The following MED4 variants were observed in gnomAD, a reference collection of about 807,000 sequenced individuals.
MED4 encodes the protein mediator complex subunit 4, also known as mediator of RNA polymerase II transcription subunit 4.
In MED4, 21 loss-of-function variants were observed where a neutral mutation model predicts 35.0. The observed-to-expected ratio is 0.60, with a 90% confidence interval of 0.43 to 0.86. The LOEUF (loss-of-function observed/expected upper bound fraction) is 0.86, where lower values mean the gene tolerates loss of function less well. Ranked by LOEUF, MED4 falls within the 40% of genes least tolerant of loss-of-function variation. MED4 has a pLI of 0.00. For missense variants in MED4, 300 were observed against 319.4 expected, an observed-to-expected ratio of 0.94 and a Z score of 0.46; for synonymous variants, 138 against 114.0, an observed-to-expected ratio of 1.21 and a Z score of -1.34.
At chr13:48,081,806 A>G (rs1294282383) in intron 4 of MED4, 75 bp from the exon 5 acceptor site, 2 of 817,612 alleles carry the variant, frequency 2.4e-6, no homozygotes, top group Non-Finnish European at 3.7e-6. Context: ...TCTATCAGTT[A>G]CACATCGTAT....
intron 1 of MED4, among the ~76,000 whole-genome samples, chr13:48,090,815 C>A (rs1593548692): frequency 6.6e-6 from 1 of 152,176 alleles, no homozygotes; most frequent in African/African-American, 2.4e-5. Flanking sequence ...AAATTGCAGA[C>A]AATGCATTAT....
chr13:48,092,460 A>C (rs1950896898), intron 1 of MED4, among the ~76,000 whole-genome samples: 1 of 152,192 alleles, frequency 6.6e-6, no homozygotes. Context: ...TATTTTAAAC[A>C]GGGAAATGGC....
intron 1 of MED4, among the ~76,000 whole-genome samples, chr13:48,091,824 G>C (rs1440519944): frequency 6.6e-6 from 1 of 152,166 alleles, no homozygotes; most frequent in Non-Finnish European, 1.5e-5. Context: ...CTGGGGGAGT[G>C]GGTTGGCTAC....
rs1950768152 is a variant in MED4, at chr13:48,077,319, A to C, written c.641-8T>G. On this transcript the variant is annotated splice_region_variant and splice_polypyrimidine_tract_variant and intron_variant, in intron 6 of 6. Transcript: ENST00000258648. ...ACTGTGGAGCAAGGACATCTGGAGA[A>C]AAAAAGAAGCATAGATAAGAACAGC... 1 of 1,462,322 alleles carries C rather than the reference A, an allele frequency of 6.8e-7. No homozygotes were observed. The highest frequency in any genetic ancestry group is 1.5e-5 in the South Asian group (1 of 66,560). The allele number at this position is 1,462,322 out of a possible 1,614,324, so 90.6% of individuals were successfully genotyped here. A position where few individuals can be genotyped will look rare whatever the true frequency, so the allele number is the denominator to read the frequency against.
chr13:48,085,114 CCACTT>C (rs1351250300), intron 3 of MED4, among the ~76,000 whole-genome samples: 17 of 151,778 alleles, frequency 1.1e-4, no homozygotes, highest in Non-Finnish European at 2.9e-5. Context: ...GGTGATCTGC[CCACTT>C]TGGCTTCCCA....
intron 2 of MED4, among the ~76,000 whole-genome samples, chr13:48,087,664 AC>A (rs1950861179): frequency 6.6e-6 from 1 of 152,120 alleles, no homozygotes; most frequent in African/African-American, 2.4e-5. Context: ...AGCCTAACCA[AC>A]ATGGTGAAAC....
At chr13:48,085,132 G>T (rs1230565906) in intron 3 of MED4, among the ~76,000 whole-genome samples, 1 of 150,516 alleles carries the variant, frequency 6.6e-6, no homozygotes, top group African/African-American at 2.5e-5. Flanking sequence ...GCTTCCCAAA[G>T]TGCTGGGATT....
chr13:48,088,164 G>A (rs1297714092), intron 2 of MED4, among the ~76,000 whole-genome samples: 9 of 152,198 alleles, frequency 5.9e-5, no homozygotes. Flanking sequence ...CACTACCCCA[G>A]TACAGAATTA....
chr13:48,093,670 G>C, intron 1 of MED4: 1 of 443,628 alleles, frequency 2.3e-6, no homozygotes, highest in Non-Finnish European at 4.6e-6. Context: ...TTATAGGCGT[G>C]AGCCACCACA....
intron 3 of MED4, among the ~76,000 whole-genome samples, chr13:48,085,440 G>A (rs755236587): frequency 4.6e-5 from 7 of 152,000 alleles, no homozygotes; most frequent in Non-Finnish European, 7.4e-5. Context: ...ATCCACCTGC[G>A]TTGGCCTCCC....
intron 6 of MED4, 74 bp downstream of exon 6, chr13:48,079,770 C>A: frequency 6.6e-7 from 1 of 1,521,986 alleles, no homozygotes; most frequent in Non-Finnish European, 8.9e-7. Flanking sequence ...ACTTGCTTTA[C>A]CGCCAGATAT....
chr13:48,084,600 C>T (rs1389622588), intron 3 of MED4, among the ~76,000 whole-genome samples: 1 of 151,998 alleles, frequency 6.6e-6, no homozygotes, highest in Non-Finnish European at 1.5e-5. Flanking sequence ...ATGAAAAATG[C>T]TTAAGTTTCA....
rs1950903825 is a variant in MED4, at chr13:48,093,459, C to G, written c.125+1495G>C. On this transcript the variant is annotated intron_variant, in intron 1 of 6. Coordinates refer to ENST00000258648, the MANE Select transcript of MED4 (RefSeq NM_014166.4). ...TATGTAAGGTATATTCGTGATTTTT[C>G]TTCTCATTTTCATAAATGCAAGCCA... 2.5e-5 allele frequency: 8 copies of G among 319,638 alleles called. No individual in the cohort carries two copies. In the Admixed American group the frequency reaches 3.5e-4, roughly 14 times the overall value. 19.8% of individuals were successfully genotyped at this position (319,638 alleles called of 1,614,324 possible).
In MED4 at chr13:48,090,420, TAAAA is replaced by T; in HGVS notation, c.126-6_126-3del. 1 of 1,313,258 alleles carries T rather than the reference TAAAA, an allele frequency of 7.6e-7. No homozygotes were observed. The highest frequency in any genetic ancestry group is 1.5e-5 in the African/African-American group (1 of 65,552). 81.4% of individuals were successfully genotyped at this position (1,313,258 alleles called of 1,614,324 possible). A position where few individuals can be genotyped will look rare whatever the true frequency, so the allele number is the denominator to read the frequency against. ...ATTGCCAGCATTTCTATAAGTTCCC[TAAAA>T]AAAAAAAACCAACAACAACAAAAAC... is the stretch of plus-strand genomic sequence containing the variant. On this transcript the variant is annotated splice_region_variant and splice_polypyrimidine_tract_variant and intron_variant, in intron 1 of 6. Transcript: ENST00000258648.
In MED4 at chr13:48,086,387, CTGAT is replaced by C; in HGVS notation, c.254_257del (p.Asn85ArgfsTer11). The C allele has an allele frequency of 6.2e-7, 1 of 1,613,438 alleles. No individual in the cohort carries two copies. The highest frequency in any genetic ancestry group is 2.2e-5 in the East Asian group (1 of 44,768). On this transcript the variant is annotated frameshift_variant, in exon 3 of 7. Coordinates refer to ENST00000258648, the MANE Select transcript of MED4 (RefSeq NM_014166.4). LOFTEE classifies it high-confidence loss of function. ...CTTGCATTTCATGATGAATTTTTCC[CTGAT>C]TAAGTGCCAATTTCATTAGTTCTTG...
At chr13:48,094,157 G>A (rs1402701004) in intron 1 of MED4, among the ~76,000 whole-genome samples, 1 of 152,196 alleles carries the variant, frequency 6.6e-6, no homozygotes, top group Non-Finnish European at 1.5e-5. Context: ...AAGTGCAGAA[G>A]CATGAGGCAA....
intron 2 of MED4, among the ~76,000 whole-genome samples, chr13:48,086,787 T>G (rs530001925): frequency 1.3e-5 from 2 of 152,322 alleles, no homozygotes; most frequent in African/African-American, 4.8e-5. Context: ...CAGTGACTCA[T>G]GCCTGTAATC....
chr13:48,079,983 A>C lies in MED4; in HGVS notation c.509-8T>G. 8 of 1,610,784 alleles carry C rather than the reference A, an allele frequency of 5.0e-6. No individual in the cohort carries two copies. The highest frequency in any genetic ancestry group is 6.8e-6 in the Non-Finnish European group (8 of 1,178,550). ...AGGGTCTCCGGGGGTCCCCTAAAAC[A>C]ATAAAGACTGCATTTAATTCAATCA... On this transcript the variant is annotated splice_region_variant and splice_polypyrimidine_tract_variant and intron_variant, in intron 5 of 6. Transcript: ENST00000258648.
intron 6 of MED4, among the ~76,000 whole-genome samples, chr13:48,079,160 A>G (rs76363527): frequency 0.086 from 13,083 of 152,310 alleles, 766 homozygotes; most frequent in Middle Eastern, 0.18. Flanking sequence ...TTATAAAGTT[A>G]TAAAAGTTTA....
Sources: allele counts gnomAD v4.1 joint callset (sites outside exome capture counted in the v4.1 genomes callset), GRCh38; gene constraint gnomAD v4.1.1; transcripts MANE v1.5; gene names NCBI Gene and HGNC (gene_info 2026-07-23, HGNC 2026-07-21).